SH3YL1: variants seen among roughly 807,000 people sequenced by gnomAD.
SH3YL1 encodes SH3 domain-containing YSC84-like protein 1.
In SH3YL1, 41 loss-of-function variants were observed where a neutral mutation model predicts 45.8. That is an observed-to-expected ratio of 0.89 (90% confidence interval 0.70 to 1.16). The LOEUF (loss-of-function observed/expected upper bound fraction) is 1.16, where lower values mean the gene tolerates loss of function less well. Among genes scored for constraint, SH3YL1 ranks in the 50% most tolerant of loss-of-function variants. The pLI is 0.00. For missense variants in SH3YL1, 389 were observed against 409.6 expected, an observed-to-expected ratio of 0.95 and a Z score of 0.43; for synonymous variants, 152 against 151.4, an observed-to-expected ratio of 1.00 and a Z score of -0.03.
chr2:264,753 C>A, upstream of SH3YL1: 1 of 541,656 alleles, frequency 1.8e-6, no homozygotes, highest in Non-Finnish European at 3.2e-6. Context: ...TGCAGGTGAC[C>A]CGCGGACCCT....
intron 2 of SH3YL1, among the ~76,000 whole-genome samples, chr2:251,202 T>C (rs557020273): frequency 1.3e-5 from 2 of 152,252 alleles, no homozygotes; most frequent in Non-Finnish European, 2.9e-5. Context: ...ATTTATAACA[T>C]AGAATGTACC....
intron 4 of SH3YL1, among the ~76,000 whole-genome samples, chr2:246,875 C>T (rs555738132): frequency 1.3e-5 from 2 of 152,210 alleles, no homozygotes; most frequent in Admixed American, 6.5e-5. Context: ...GTCAACAGGG[C>T]AAATCTACAA....
At chr2:228,956 C>T (rs1170462391) in intron 8 of SH3YL1, among the ~76,000 whole-genome samples, 1 of 152,220 alleles carries the variant, frequency 6.6e-6, no homozygotes, top group Non-Finnish European at 1.5e-5. Flanking sequence ...CCTTCTCCCA[C>T]TAACAGCAGT....
At chr2:242,812 TA>T in intron 4 of SH3YL1, 3 of 1,534,650 alleles carry the variant, frequency 2.0e-6, no homozygotes, top group African/African-American at 1.4e-5. Flanking sequence ...AGATTGACAG[TA>T]AAAGGATGGA....
At chr2:248,571 T>C (rs1265244235) in intron 3 of SH3YL1, among the ~76,000 whole-genome samples, 1 of 152,074 alleles carries the variant, frequency 6.6e-6, no homozygotes, top group Non-Finnish European at 1.5e-5. Context: ...GGGAGAGAAA[T>C]GTAGGTTTTA....
chr2:245,199 C>T (rs1227074558), intron 4 of SH3YL1, among the ~76,000 whole-genome samples: 1 of 152,144 alleles, frequency 6.6e-6, no homozygotes, highest in Non-Finnish European at 1.5e-5. Flanking sequence ...CAATTACACG[C>T]AGAGACTTAT....
At chr2:233,025 C>A in intron 6 of SH3YL1, 76 bp downstream of exon 6, 1 of 1,330,254 alleles carries the variant, frequency 7.5e-7, no homozygotes, top group Admixed American at 2.7e-5. Context: ...TAAATGTACT[C>A]TGCAAATTAT....
rs575268398 is a variant in SH3YL1, at chr2:251,247, T to C, written c.113-1403A>G. Among the ~76,000 whole-genome samples, 18 of 152,366 alleles carry C rather than the reference T, an allele frequency of 1.2e-4. No homozygotes were observed. The South Asian group carries it at 3.7e-3, about 32-fold the overall frequency. On this transcript the variant is annotated intron_variant, in intron 2 of 9. Coordinates refer to ENST00000356150, the MANE Select transcript of SH3YL1 (RefSeq NM_015677.4). ...TTTAATTGCTAAATTAAGTTTCACC[T>C]ACTTCTTAGAATCCTAACATTAGAG...
chr2:263,967 G>T lies in SH3YL1; in HGVS notation c.1+17C>A. On this transcript the variant is annotated intron_variant, in intron 1 of 9. Transcript: ENST00000356150. ...AGGGGAGGGTGCTGCCGGACAGGTG[G>T]GTCCCCGGGTACTCACTGCTGCCCG... 7 of 1,502,338 alleles carry T rather than the reference G, an allele frequency of 4.7e-6. No homozygotes were observed. The highest frequency in any genetic ancestry group is 6.2e-6 in the Non-Finnish European group (7 of 1,121,162). The allele number at this position is 1,502,338 out of a possible 1,614,324, so 93.1% of individuals were successfully genotyped here.
chr2:262,716 T>G (rs925539607), intron 1 of SH3YL1: 43 of 1,291,058 alleles, frequency 3.3e-5, no homozygotes, highest in Non-Finnish European at 4.2e-5. Flanking sequence ...TGCCTCAACT[T>G]CCTATGTTTG....
At chr2:232,943 A>G in intron 6 of SH3YL1, 158 bp downstream of exon 6, 1 of 497,610 alleles carries the variant, frequency 2.0e-6, no homozygotes, top group Non-Finnish European at 3.2e-6. Context: ...TTCTACGAGC[A>G]TATATTATTT....
intron 6 of SH3YL1, 51 bp from the exon 7 acceptor site, chr2:231,242 T>C (rs1005682148): frequency 7.0e-7 from 1 of 1,421,186 alleles, no homozygotes; most frequent in Non-Finnish European, 9.6e-7. Flanking sequence ...AAATCTTTTC[T>C]AGAGTTAAAC....
intron 2 of SH3YL1, among the ~76,000 whole-genome samples, chr2:250,303 C>T (rs1418408982): frequency 2.6e-5 from 4 of 152,096 alleles, no homozygotes; most frequent in African/African-American, 9.7e-5. Flanking sequence ...AGCCACGTAG[C>T]TAAATTAACC....
rs766094021 is a variant in SH3YL1 at position 253,108 on chromosome 2, G to T, written c.9C>A (p.Asn3Lys). 4.7e-6 allele frequency: 7 copies of T among 1,492,548 alleles called. No individual in the cohort carries two copies. Among genetic ancestry groups the T allele is most frequent in the South Asian group, 1.2e-5 (1 of 80,104 alleles). 92.5% of individuals were successfully genotyped at this position (1,492,548 alleles called of 1,614,324 possible). A position where few individuals can be genotyped will look rare whatever the true frequency, so the allele number is the denominator to read the frequency against. The change falls in exon 2 of 10, where the codon AAC (asparagine) becomes AAA (lysine). Residue 3 changes from asparagine to lysine, a missense_variant. Coordinates refer to ENST00000356150, the MANE Select transcript of SH3YL1 (RefSeq NM_015677.4). ...CTGATTTCAAATTGGAAGGTATAGGGTTATTCACTGAAACATAACAAAAGA... is the reference window on the plus strand; with the variant it reads ...CTGATTTCAAATTGGAAGGTATAGGTTTATTCACTGAAACATAACAAAAGA... The part of the protein sequence containing the change: MN[N>K]PIPSNLKSEA...
intron 1 of SH3YL1, chr2:263,726 G>T (rs1346778117): frequency 2.0e-5 from 9 of 446,664 alleles, no homozygotes; most frequent in Non-Finnish European, 2.8e-5. Context: ...AAAATAACAC[G>T]ACCATCGTCA....
chr2:252,779 T>C (rs1444288536), intron 2 of SH3YL1, among the ~76,000 whole-genome samples: 1 of 152,208 alleles, frequency 6.6e-6, no homozygotes, highest in Admixed American at 6.5e-5. Context: ...AAACAAGTTA[T>C]GCTGTGAACA....
upstream of SH3YL1, chr2:264,176 T>G (rs1669738263): frequency 1.3e-6 from 1 of 772,252 alleles, no homozygotes; most frequent in Non-Finnish European, 1.9e-6. Context: ...CGCTCAGGCC[T>G]TCGCCCTCAG....
chr2:226,315 AATATAGATAAC>A (rs1313049894), intron 8 of SH3YL1, among the ~76,000 whole-genome samples: 1 of 152,244 alleles, frequency 6.6e-6, no homozygotes, highest in Non-Finnish European at 1.5e-5. Flanking sequence ...CAAAACCTAT[AATATAGATAAC>A]ATTTCCATAA....
At position 233,315 on chromosome 2, in the gene SH3YL1, A is replaced by G. The variant is rs981890766; in HGVS notation, c.405-86T>C. The G allele has an allele frequency of 6.5e-5, 85 of 1,303,226 alleles. No individual in the cohort carries two copies. The African/African-American group carries it at 7.2e-4, about 11-fold the overall frequency. 80.7% of individuals were successfully genotyped at this position (1,303,226 alleles called of 1,614,324 possible). A position where few individuals can be genotyped will look rare whatever the true frequency, so the allele number is the denominator to read the frequency against. On this transcript the variant is annotated intron_variant, in intron 5 of 9. Transcript: ENST00000356150. ...TTTAAATAGCACTCCTTCTAGCTCA[A>G]ATGAATTATTTTGTTCTGTACCTTC...
Sources: allele counts gnomAD v4.1 joint callset (sites outside exome capture counted in the v4.1 genomes callset), GRCh38; gene constraint gnomAD v4.1.1; transcripts MANE v1.5; gene names NCBI Gene and HGNC (gene_info 2026-07-23, HGNC 2026-07-21).